The following HCRTR2 variants were observed in gnomAD, a reference collection of about 807,000 sequenced individuals.
HCRTR2 encodes orexin receptor type 2.
HCRTR2 carries 22 observed loss-of-function variants against 49.0 expected under a neutral mutation model. That is an observed-to-expected ratio of 0.45 (90% confidence interval 0.32 to 0.64). HCRTR2 has a LOEUF of 0.64. Ranked by LOEUF, HCRTR2 falls within the 30% of genes least tolerant of loss-of-function variation. The probability of loss-of-function intolerance (pLI) is 0.04; values close to 1 mark genes in which losing one functional copy is unlikely to be tolerated. For synonymous variants in HCRTR2, 236 were observed against 205.3 expected, an observed-to-expected ratio of 1.15 and a Z score of -1.28; for missense variants, 491 against 559.4, an observed-to-expected ratio of 0.88 and a Z score of 1.23.
chr6:55,130,248 G>A (rs963098490), intron 1 of HCRTR2, among the ~76,000 whole-genome samples: 8 of 151,952 alleles, frequency 5.3e-5, no homozygotes, highest in African/African-American at 1.9e-4. Context: ...AATCTCAAAG[G>A]CAGCACAAAT....
chr6:55,266,674 C>T (rs890256279), intron 4 of HCRTR2, among the ~76,000 whole-genome samples: 7 of 151,872 alleles, frequency 4.6e-5, no homozygotes, highest in Non-Finnish European at 1.0e-4. Context: ...ATTGACATAC[C>T]TTTAAAACTC....
At chr6:55,150,369 A>G (rs1269640814) in intron 1 of HCRTR2, among the ~76,000 whole-genome samples, 1 of 148,502 alleles carries the variant, frequency 6.7e-6, no homozygotes, top group African/African-American at 2.5e-5. Flanking sequence ...TAAGATCTAC[A>G]CTCTTTGCAA....
rs539291572 is a variant in HCRTR2 at position 55,211,407 on chromosome 6, A to G, written c.223+36597A>G. ...GTATAAGCCAGATTACTGTTAAGGC[A>G]ACTTGGAATTAATATGCTGCTCAGT... On this transcript the variant is annotated intron_variant, in intron 1 of 6. Transcript: ENST00000370862. Among the ~76,000 whole-genome samples the G allele has an allele frequency of 2.0e-5, 3 of 152,316 alleles. No individual in the cohort carries two copies. The South Asian group carries it at 6.2e-4, about 32-fold the overall frequency.
intron 1 of HCRTR2, among the ~76,000 whole-genome samples, chr6:55,127,440 G>A (rs532107311): frequency 6.6e-6 from 1 of 152,232 alleles, no homozygotes; most frequent in Admixed American, 6.5e-5. Context: ...AGGTACCTCA[G>A]CTGGAAATGC....
intron 1 of HCRTR2, among the ~76,000 whole-genome samples, chr6:55,180,718 CT>C (rs1765116901): frequency 6.6e-6 from 1 of 152,130 alleles, no homozygotes; most frequent in Non-Finnish European, 1.5e-5. Flanking sequence ...GTTTATTTTT[CT>C]TTTTGTCATG....
chr6:55,147,852 G>C (rs1425230493), intron 1 of HCRTR2, among the ~76,000 whole-genome samples: 1 of 152,160 alleles, frequency 6.6e-6, no homozygotes. Context: ...ATTATGATGG[G>C]AGGTAGAATG....
intron 1 of HCRTR2, among the ~76,000 whole-genome samples, chr6:55,130,930 A>G (rs977677367): frequency 6.6e-6 from 1 of 151,874 alleles, no homozygotes; most frequent in African/African-American, 2.4e-5. Context: ...TTCATGAATC[A>G]TAACCATCAG....
At chr6:55,232,360 G>A (rs1377472198) in intron 1 of HCRTR2, among the ~76,000 whole-genome samples, 3 of 152,136 alleles carry the variant, frequency 2.0e-5, no homozygotes, top group African/African-American at 7.2e-5. Context: ...AACAGCTGCA[G>A]CTGTTTATGC....
chr6:55,160,761 G>A (rs1263349046), intron 1 of HCRTR2, among the ~76,000 whole-genome samples: 2 of 152,064 alleles, frequency 1.3e-5, no homozygotes, highest in Admixed American at 1.3e-4. Flanking sequence ...ATGATAAAGG[G>A]ATCAATGCAA....
intron 1 of HCRTR2, among the ~76,000 whole-genome samples, chr6:55,223,535 G>T (rs1765939160): frequency 6.6e-6 from 1 of 152,182 alleles, no homozygotes; most frequent in Non-Finnish European, 1.5e-5. Context: ...AATTATTTTC[G>T]ATTGGTAGAG....
At chr6:55,185,349 A>G (rs924375638) in intron 1 of HCRTR2, among the ~76,000 whole-genome samples, 4 of 152,186 alleles carry the variant, frequency 2.6e-5, no homozygotes, top group African/African-American at 9.6e-5. Flanking sequence ...TGACTCAGAG[A>G]TTCCTGAAAA....
intron 1 of HCRTR2, among the ~76,000 whole-genome samples, chr6:55,128,137 T>C (rs1764306612): frequency 1.3e-5 from 2 of 152,216 alleles, no homozygotes; most frequent in Non-Finnish European, 1.5e-5. Context: ...ATTTTCTTCA[T>C]ATGGCTGGCT....
chr6:55,138,671 A>C (rs1349160814), intron 1 of HCRTR2, among the ~76,000 whole-genome samples: 1 of 152,196 alleles, frequency 6.6e-6, no homozygotes, highest in Non-Finnish European at 1.5e-5. Context: ...GTGTCATTTT[A>C]AACTGCTTAA....
chr6:55,276,240 C>A (rs1767074534), intron 4 of HCRTR2, among the ~76,000 whole-genome samples: 3 of 152,146 alleles, frequency 2.0e-5, no homozygotes, highest in Non-Finnish European at 4.4e-5. Context: ...CATTCAAGGG[C>A]AGGTCTTTGT....
chr6:55,223,804 ACTT>A (rs1765945060), intron 1 of HCRTR2, among the ~76,000 whole-genome samples: 1 of 152,138 alleles, frequency 6.6e-6, no homozygotes, highest in Admixed American at 6.5e-5. Context: ...ATATTTCAGT[ACTT>A]CTTTTACCTA....
chr6:55,185,527 A>C (rs1023255240), intron 1 of HCRTR2, among the ~76,000 whole-genome samples: 9 of 152,244 alleles, frequency 5.9e-5, no homozygotes, highest in African/African-American at 1.9e-4. Context: ...CATACCTCAC[A>C]CATGTGTACA....
chr6:55,278,632 T>A (rs1767125788), intron 5 of HCRTR2, among the ~76,000 whole-genome samples: 1 of 151,990 alleles, frequency 6.6e-6, no homozygotes, highest in Admixed American at 6.6e-5. Context: ...GATATATGAT[T>A]TTTTTTGTGG....
At chr6:55,221,111 A>C (rs1260132053) in intron 1 of HCRTR2, among the ~76,000 whole-genome samples, 1 of 152,192 alleles carries the variant, frequency 6.6e-6, no homozygotes, top group Non-Finnish European at 1.5e-5. Context: ...CGATATTGTT[A>C]AAATGTGCAC....
intron 1 of HCRTR2, among the ~76,000 whole-genome samples, chr6:55,160,780 G>A (rs1355661767): frequency 6.6e-6 from 1 of 152,136 alleles, no homozygotes; most frequent in Non-Finnish European, 1.5e-5. Context: ...AACAAGAACA[G>A]CTAGCTATCC....
Sources: allele counts gnomAD v4.1 joint callset (sites outside exome capture counted in the v4.1 genomes callset), GRCh38; gene constraint gnomAD v4.1.1; transcripts MANE v1.5; gene names NCBI Gene and HGNC (gene_info 2026-07-23, HGNC 2026-07-21).